Variants in PID1 observed in about 807,000 individuals in gnomAD.
PID1 encodes the protein PTB-containing, cubilin and LRP1-interacting protein.
A neutral mutation model predicts 19.1 loss-of-function variants in PID1; 10 were observed. The ratio of observed to expected loss-of-function variants is 0.52; its 90% CI spans 0.32 to 0.89. The LOEUF (loss-of-function observed/expected upper bound fraction) is 0.89, where lower values mean the gene tolerates loss of function less well. PID1 is among the 40% of genes least tolerant of loss of function. The pLI, the probability that PID1 is intolerant of heterozygous loss-of-function variation, is 0.03. For synonymous variants in PID1, 130 were observed against 116.0 expected (o/e 1.12, Z -0.78); for missense variants, 248 against 285.3 (o/e 0.87, Z 0.94).
intron 1 of PID1, among the ~76,000 whole-genome samples, chr2:229,187,644 C>T (rs957195782): frequency 3.3e-5 from 5 of 152,162 alleles, no homozygotes; most frequent in South Asian, 2.1e-4. Context: ...GATGGGGACA[C>T]GGCCAAACCA....
intron 2 of PID1, among the ~76,000 whole-genome samples, chr2:229,087,289 T>C (rs1482517977): frequency 2.0e-5 from 3 of 152,172 alleles, no homozygotes; most frequent in African/African-American, 4.8e-5. Flanking sequence ...AGCATATTTT[T>C]AAGAGTCACT....
At chr2:229,146,499 A>T (rs1393183674) in intron 2 of PID1, among the ~76,000 whole-genome samples, 8 of 151,702 alleles carry the variant, frequency 5.3e-5, no homozygotes, top group South Asian at 2.1e-4. Context: ...TAAATTTTTA[A>T]AAAAAAATTA....
chr2:229,184,982 AC>A lies in PID1; in HGVS notation c.31-29019del, dbSNP rs1271562198. On this transcript the variant is annotated intron_variant, in intron 1 of 2. Coordinates refer to ENST00000392055, the MANE Select transcript of PID1 (RefSeq NM_001100818.2). ...AATCCCATATATATACTATATATAT[AC>A]TATATATATCCCATATATATACACT... 1.9e-3 allele frequency among the ~76,000 whole-genome samples: 49 copies of A among 25,486 alleles called. 4 individuals carry two copies. The highest frequency in any genetic ancestry group is 0.012 in the African/African-American group (43 of 3,738). 16.7% of individuals were successfully genotyped at this position (25,486 alleles called of 152,430 possible).
intron 2 of PID1, among the ~76,000 whole-genome samples, chr2:229,143,634 T>A (rs1357531177): frequency 6.6e-6 from 1 of 152,144 alleles, no homozygotes; most frequent in East Asian, 1.9e-4. Flanking sequence ...TTTGGCTGTG[T>A]CCCCATCCAA....
chr2:229,064,579 A>T (rs7576369), intron 2 of PID1, among the ~76,000 whole-genome samples: 8,264 of 152,188 alleles, frequency 0.054, 768 homozygotes, highest in African/African-American at 0.19. Context: ...TGTCCCAAGA[A>T]TTCATTAAAT....
At chr2:229,231,263 G>A (rs989330378) in intron 1 of PID1, among the ~76,000 whole-genome samples, 4 of 152,052 alleles carry the variant, frequency 2.6e-5, no homozygotes, top group African/African-American at 9.7e-5. Flanking sequence ...GTCTAGTCAA[G>A]TAAAGCACAC....
chr2:229,155,810 C>A lies in PID1; in HGVS notation c.177+8G>T. On this transcript the variant is annotated splice_region_variant and intron_variant, in intron 2 of 2. Transcript: ENST00000392055. Reference sequence around the variant, plus strand: ...CAAGAGAACCCCTGCTGGCCACGTGCCCCATACCTTGCAGCCACTGTGAGT... The same window carrying A: ...CAAGAGAACCCCTGCTGGCCACGTGACCCATACCTTGCAGCCACTGTGAGT... The A allele has an allele frequency of 6.2e-7, 1 of 1,608,970 alleles. No homozygotes were observed. The highest frequency in any genetic ancestry group is 8.5e-7 in the Non-Finnish European group (1 of 1,177,334).
chr2:229,252,076 G>C (rs1193287879), intron 1 of PID1, among the ~76,000 whole-genome samples: 2 of 151,798 alleles, frequency 1.3e-5, no homozygotes, highest in South Asian at 2.1e-4. Flanking sequence ...CCCACCAAGA[G>C]CTTACAGCCA....
intron 1 of PID1, among the ~76,000 whole-genome samples, chr2:229,175,028 GCAGCC>G (rs772777576): frequency 3.9e-5 from 6 of 152,282 alleles, no homozygotes; most frequent in Non-Finnish European, 5.9e-5. Flanking sequence ...AGAAAACAGG[GCAGCC>G]CAGTTGCCAG....
At chr2:229,210,902 A>C (rs563153966) in intron 1 of PID1, among the ~76,000 whole-genome samples, 1 of 152,306 alleles carries the variant, frequency 6.6e-6, no homozygotes, top group South Asian at 2.1e-4. Flanking sequence ...TTTTCCATTT[A>C]TTTTGAGCCA....
intron 1 of PID1, among the ~76,000 whole-genome samples, chr2:229,211,087 G>T (rs1230848700): frequency 6.6e-6 from 1 of 152,148 alleles, no homozygotes; most frequent in African/African-American, 2.4e-5. Flanking sequence ...CCCCAAAAGT[G>T]AGAAAAGGAG....
chr2:229,049,286 T>C (rs1180492203), intron 2 of PID1, among the ~76,000 whole-genome samples: 2 of 152,188 alleles, frequency 1.3e-5, no homozygotes, highest in African/African-American at 2.4e-5. Context: ...CACATGTATG[T>C]TGGCAATCTG....
chr2:229,034,108 T>C (rs1380934631), intron 2 of PID1, among the ~76,000 whole-genome samples: 1 of 152,186 alleles, frequency 6.6e-6, no homozygotes, highest in Non-Finnish European at 1.5e-5. Context: ...TATTACAAGC[T>C]TTAAGCCACG....
rs35298237 is a variant in PID1, at chr2:229,180,074, CGT to C, written c.31-24112_31-24111del. ...CCAATAATTACAACCACATGCACTT[CGT>C]ATACAGGTCCCAAATCTGAAGTCTC... On this transcript the variant is annotated intron_variant, in intron 1 of 2. Transcript: ENST00000392055. 4.3e-3 allele frequency among the ~76,000 whole-genome samples: 651 copies of C among 152,282 alleles called. 4 individuals are homozygous for C. The highest frequency in any genetic ancestry group is 7.7e-3 in the Admixed American group (118 of 15,300).
chr2:229,264,487 T>A (rs1178927709), intron 1 of PID1, among the ~76,000 whole-genome samples: 1 of 151,972 alleles, frequency 6.6e-6, no homozygotes, highest in Non-Finnish European at 1.5e-5. Flanking sequence ...GGCCCCCAAG[T>A]CCCAGCCCAG....
At chr2:229,142,368 T>C (rs1350313460) in intron 2 of PID1, among the ~76,000 whole-genome samples, 1 of 152,104 alleles carries the variant, frequency 6.6e-6, no homozygotes, top group Non-Finnish European at 1.5e-5. Flanking sequence ...AGATGGCAAA[T>C]TGTCCTTCAA....
At chr2:229,070,504 G>C (rs189887500) in intron 2 of PID1, among the ~76,000 whole-genome samples, 1 of 152,194 alleles carries the variant, frequency 6.6e-6, no homozygotes, top group Non-Finnish European at 1.5e-5. Flanking sequence ...CACACAAGAT[G>C]TAGCTAAGAA....
At chr2:229,232,133 G>C in intron 1 of PID1, 1 of 1,455,002 alleles carries the variant, frequency 6.9e-7, no homozygotes, top group Non-Finnish European at 9.1e-7. Flanking sequence ...CCTCTTAAAG[G>C]TCCCTCTTGG....
intron 1 of PID1, among the ~76,000 whole-genome samples, chr2:229,213,349 A>T (rs1310499081): frequency 6.6e-6 from 1 of 152,204 alleles, no homozygotes; most frequent in Non-Finnish European, 1.5e-5. Context: ...CAGGCTCTCC[A>T]GCCATTTTGA....
Sources: gnomAD v4.1 joint callset for allele counts (sites outside exome capture counted in the v4.1 genomes callset) on GRCh38, gnomAD v4.1.1 for gene constraint, MANE v1.5 for transcripts, NCBI Gene and HGNC (gene_info 2026-07-23, HGNC 2026-07-21) for gene names.